Variants in MROH9 observed in about 807,000 individuals in gnomAD.
MROH9 encodes the protein maestro heat like repeat family member 9.
A neutral mutation model predicts 98.2 loss-of-function variants in MROH9; 92 were observed. The observed-to-expected ratio is 0.94, with a 90% CI of 0.79 to 1.11. MROH9 has a LOEUF of 1.11. Ranked by LOEUF, MROH9 falls within the 50% of genes most tolerant of loss-of-function variation. The pLI, the probability that MROH9 is intolerant of heterozygous loss-of-function variation, is 0.00. For missense variants in MROH9, 1,057 were observed against 1,014.8 expected, an observed-to-expected ratio of 1.04 and a Z score of -0.57; for synonymous variants, 397 against 368.9, an observed-to-expected ratio of 1.08 and a Z score of -0.87.
At chr1:170,985,687 G>A (rs1316621204) in intron 9 of MROH9, among the ~76,000 whole-genome samples, 2 of 152,042 alleles carry the variant, frequency 1.3e-5, no homozygotes, top group Non-Finnish European at 2.9e-5. Flanking sequence ...AATTAAATCT[G>A]GCTCTCTTAA....
intron 5 of MROH9, among the ~76,000 whole-genome samples, chr1:170,959,938 C>G (rs914922571): frequency 6.6e-6 from 1 of 152,204 alleles, no homozygotes; most frequent in African/African-American, 2.4e-5. Context: ...TAGCAAACAT[C>G]TGCGGTCTCC....
intron 15 of MROH9, 96 bp from the exon 16 acceptor site, chr1:171,014,021 G>A: frequency 3.1e-6 from 3 of 982,316 alleles, no homozygotes; most frequent in South Asian, 1.7e-5. Context: ...AGTGAGATTT[G>A]CATTCTAGTT....
At position 171,032,681 on chromosome 1, in the gene MROH9, C is replaced by A. The variant is rs138113033; in HGVS notation, c.2281+7261C>A. Among the ~76,000 whole-genome samples, 5 of 152,198 alleles carry A rather than the reference C, an allele frequency of 3.3e-5. No individual in the cohort carries two copies. The East Asian group carries it at 9.7e-4, about 30-fold the overall frequency. The stretch of plus-strand genomic sequence containing the variant: ...CTGGGATCTCTGAGCTCAAGGGGCA[C>A]CAATCTGATGCTAGTAGGATCGCTC... On this transcript the variant is annotated intron_variant, in intron 20 of 21. Transcript: ENST00000367759.
chr1:171,045,650 G>T (rs1193448564), intron 20 of MROH9, among the ~76,000 whole-genome samples: 1 of 152,136 alleles, frequency 6.6e-6, no homozygotes, highest in African/African-American at 2.4e-5. Context: ...TGTGGTCAAA[G>T]AAGATACTTG....
At chr1:170,963,079 C>G (rs1454948817) in intron 6 of MROH9, among the ~76,000 whole-genome samples, 1 of 151,786 alleles carries the variant, frequency 6.6e-6, no homozygotes, top group East Asian at 1.9e-4. Flanking sequence ...TTTTTGCAAA[C>G]TATCCATCTG....
intron 20 of MROH9, among the ~76,000 whole-genome samples, chr1:171,035,321 CAT>C (rs779057948): frequency 6.0e-5 from 9 of 151,090 alleles, no homozygotes; most frequent in South Asian, 2.1e-4. Flanking sequence ...AAAGAGAAAA[CAT>C]AGAGACAAAT....
At chr1:170,937,282 ACT>A (rs1343106978) in intron 1 of MROH9, among the ~76,000 whole-genome samples, 2 of 152,134 alleles carry the variant, frequency 1.3e-5, no homozygotes, top group Admixed American at 1.3e-4. Flanking sequence ...AGTGATGTTT[ACT>A]CTCTTCCTTG....
chr1:170,991,931 C>T (rs774528816), intron 11 of MROH9, among the ~76,000 whole-genome samples: 2 of 152,052 alleles, frequency 1.3e-5, no homozygotes, highest in Non-Finnish European at 2.9e-5. Flanking sequence ...AACTTGCAGA[C>T]CAGACTCTGG....
chr1:171,019,386 G>A (rs1309687037), intron 17 of MROH9, among the ~76,000 whole-genome samples: 1 of 152,068 alleles, frequency 6.6e-6, no homozygotes, highest in African/African-American at 2.4e-5. Context: ...AGGAGAAGTG[G>A]CTGATGCCTG....
At chr1:170,956,584 TTTTTTTTTTTG>T (rs1192166698) in intron 3 of MROH9, among the ~76,000 whole-genome samples, 2 of 132,066 alleles carry the variant, frequency 1.5e-5, no homozygotes, top group African/African-American at 5.9e-5. Flanking sequence ...TCTCTTTCCT[TTTTTTTTTTTG>T]TTTTTTTTTT....
intron 20 of MROH9, among the ~76,000 whole-genome samples, chr1:171,044,588 G>T (rs1653404737): frequency 6.6e-6 from 1 of 152,080 alleles, no homozygotes; most frequent in Non-Finnish European, 1.5e-5. Context: ...AAGCCATCAG[G>T]TTCTGGGCTT....
chr1:170,976,022 T>C (rs555569391), intron 8 of MROH9, among the ~76,000 whole-genome samples: 3 of 152,022 alleles, frequency 2.0e-5, no homozygotes, highest in Admixed American at 6.5e-5. Flanking sequence ...TCTCCATTTC[T>C]TTATTTTGAG....
chr1:170,958,871 G>A (rs185440087), intron 4 of MROH9, among the ~76,000 whole-genome samples: 27 of 152,246 alleles, frequency 1.8e-4, no homozygotes, highest in Admixed American at 1.3e-3. Flanking sequence ...GCTTAGCATG[G>A]CTTTGTGGAC....
At chr1:170,947,888 T>C (rs1649394346) in intron 3 of MROH9, among the ~76,000 whole-genome samples, 1 of 151,988 alleles carries the variant, frequency 6.6e-6, no homozygotes, top group Non-Finnish European at 1.5e-5. Flanking sequence ...GTCTCCTCAC[T>C]CATATTTTCC....
chr1:171,016,241 T>G lies in MROH9; in HGVS notation c.1813T>G (p.Leu605Val). The G allele has an allele frequency of 6.5e-7, 1 of 1,541,288 alleles. No individual in the cohort carries two copies. The highest frequency in any genetic ancestry group is 1.2e-5 in the South Asian group (1 of 81,922). ...AGACGATAATGTTGTACTTCAGGCC[T>G]TGCTCACCCTTAGAAGGCTTTTAAA... is the stretch of plus-strand genomic sequence containing the variant. ...SKDDNVVLQA[L>V]LTLRRLLNEL... Residue 605 changes from leucine (L) to valine (V), a missense_variant, in exon 17 of 22, where the codon TTG becomes GTG. Physicochemically the swap from Leu to Val is conservative, Grantham distance 32. Coordinates refer to ENST00000367759, the MANE Select transcript of MROH9 (RefSeq NM_001163629.2).
At chr1:171,034,605 C>T (rs1289696912) in intron 20 of MROH9, among the ~76,000 whole-genome samples, 1 of 152,058 alleles carries the variant, frequency 6.6e-6, no homozygotes, top group Non-Finnish European at 1.5e-5. Flanking sequence ...AATGCTTGTC[C>T]CATCTAGAAT....
chr1:171,054,542 A>G (rs1353910703), intron 20 of MROH9, among the ~76,000 whole-genome samples: 1 of 152,200 alleles, frequency 6.6e-6, no homozygotes, highest in Non-Finnish European at 1.5e-5. Context: ...GGACTTAACT[A>G]AAAAGCTTCT....
rs1654108654 is a variant in MROH9 at position 171,064,465 on chromosome 1, T to G, written c.*125T>G. ...ACAACTTGAGTCTGTTTGTAGATGC[T>G]TTTCTGAAAAATTCTGGAAGCTTTT... On this transcript the variant is annotated 3_prime_UTR_variant, in exon 22 of 22. Coordinates refer to ENST00000367759, the MANE Select transcript of MROH9 (RefSeq NM_001163629.2). 1 of 997,550 alleles carries G rather than the reference T, an allele frequency of 1.0e-6. No individual in the cohort carries two copies. The highest frequency in any genetic ancestry group is 1.7e-5 in the African/African-American group (1 of 60,416). The allele number at this position is 997,550 out of a possible 1,614,324, so 61.8% of individuals were successfully genotyped here. A position where few individuals can be genotyped will look rare whatever the true frequency, so the allele number is the denominator to read the frequency against.
intron 1 of MROH9, among the ~76,000 whole-genome samples, chr1:170,935,954 T>C (rs1212608142): frequency 8.4e-6 from 1 of 119,330 alleles, no homozygotes; most frequent in Non-Finnish European, 1.6e-5. Context: ...ATCATGCTAC[T>C]GCACTCCAGC....
Sources: gnomAD v4.1 joint callset for allele counts (sites outside exome capture counted in the v4.1 genomes callset) on GRCh38, gnomAD v4.1.1 for gene constraint, MANE v1.5 for transcripts, NCBI Gene and HGNC (gene_info 2026-07-23, HGNC 2026-07-21) for gene names.